The following LUZP2 variants were observed in gnomAD, a reference collection of about 807,000 sequenced individuals.
LUZP2 encodes leucine zipper protein 2.
A neutral mutation model predicts 51.6 loss-of-function variants in LUZP2; 52 were observed. The observed-to-expected ratio is 1.01, with a 90% confidence interval of 0.81 to 1.27. LUZP2 has a LOEUF of 1.27. Ranked by LOEUF, LUZP2 falls within the 50% of genes most tolerant of loss-of-function variation. LUZP2 has a pLI of 0.00. For missense variants in LUZP2, 436 were observed against 395.4 expected (o/e 1.10, Z -0.87); for synonymous variants, 154 against 137.3 (o/e 1.12, Z -0.85).
intron 1 of LUZP2, among the ~76,000 whole-genome samples, chr11:24,653,466 T>C (rs557938101): frequency 6.6e-6 from 1 of 152,278 alleles, no homozygotes; most frequent in South Asian, 2.1e-4. Context: ...GAATGTTTTG[T>C]ATGTCTATAG....
intron 5 of LUZP2, among the ~76,000 whole-genome samples, chr11:24,840,365 G>A (rs1459038303): frequency 6.6e-6 from 1 of 151,786 alleles, no homozygotes; most frequent in African/African-American, 2.4e-5. Flanking sequence ...GTACCAGATG[G>A]TTTTTTGACA....
intron 5 of LUZP2, chr11:24,785,890 C>T: frequency 1.0e-6 from 1 of 985,248 alleles, no homozygotes. Flanking sequence ...ATACTTTGTT[C>T]CAAATTGGCA....
At chr11:24,953,735 CG>C (rs1380045918) in intron 7 of LUZP2, among the ~76,000 whole-genome samples, 1 of 152,000 alleles carries the variant, frequency 6.6e-6, no homozygotes, top group African/African-American at 2.4e-5. Context: ...GTGGCACCTA[CG>C]TCAAACTCAT....
intron 5 of LUZP2, among the ~76,000 whole-genome samples, chr11:24,870,494 C>G (rs1016735586): frequency 1.4e-3 from 210 of 149,936 alleles, no homozygotes; most frequent in African/African-American, 4.9e-3. Context: ...CACACAGACA[C>G]ACACACACAC....
chr11:24,653,308 C>T (rs560344881), intron 1 of LUZP2, among the ~76,000 whole-genome samples: 1 of 152,080 alleles, frequency 6.6e-6, no homozygotes, highest in South Asian at 2.1e-4. Flanking sequence ...GGGAGTGAGA[C>T]AGATAAGTCA....
chr11:25,067,094 A>T (rs1859018312), intron 10 of LUZP2, among the ~76,000 whole-genome samples: 1 of 151,958 alleles, frequency 6.6e-6, no homozygotes, highest in Admixed American at 6.6e-5. Context: ...TAATAAAATT[A>T]TATTTTTGGG....
chr11:25,016,470 C>A (rs1211515323), intron 9 of LUZP2, among the ~76,000 whole-genome samples: 1 of 151,890 alleles, frequency 6.6e-6, no homozygotes. Flanking sequence ...CAAGTTGCTG[C>A]AAAATATATT....
At chr11:24,609,104 C>T (rs1565026456) in intron 1 of LUZP2, among the ~76,000 whole-genome samples, 1 of 152,048 alleles carries the variant, frequency 6.6e-6, no homozygotes, top group Non-Finnish European at 1.5e-5. Context: ...GGAAACTATC[C>T]CATTTGTGAT....
chr11:24,906,835 T>C (rs960356412), intron 6 of LUZP2, among the ~76,000 whole-genome samples: 19 of 152,110 alleles, frequency 1.2e-4, no homozygotes, highest in African/African-American at 4.6e-4. Flanking sequence ...CATGAGTGGC[T>C]TCATATCATG....
chr11:24,812,719 T>C (rs1053312703), intron 5 of LUZP2, among the ~76,000 whole-genome samples: 3 of 152,168 alleles, frequency 2.0e-5, no homozygotes, highest in Non-Finnish European at 2.9e-5. Context: ...GTGTTTTTTG[T>C]TTGTTTGTTT....
At chr11:24,828,947 G>T (rs370215504) in intron 5 of LUZP2, among the ~76,000 whole-genome samples, 1 of 152,158 alleles carries the variant, frequency 6.6e-6, no homozygotes, top group Non-Finnish European at 1.5e-5. Context: ...GTAACCCTGG[G>T]TTCCAGCTTA....
At chr11:24,828,708 T>C (rs939621482) in intron 5 of LUZP2, among the ~76,000 whole-genome samples, 2 of 152,180 alleles carry the variant, frequency 1.3e-5, no homozygotes, top group Non-Finnish European at 2.9e-5. Context: ...CCCAGTCTTA[T>C]GTTCTGTAAG....
intron 4 of LUZP2, among the ~76,000 whole-genome samples, chr11:24,754,955 G>A (rs943147232): frequency 1.3e-5 from 2 of 152,072 alleles, no homozygotes; most frequent in Non-Finnish European, 2.9e-5. Flanking sequence ...AGACCAGCCC[G>A]ACCAACATGG....
At chr11:24,871,529 G>T (rs1041279574) in intron 5 of LUZP2, among the ~76,000 whole-genome samples, 1 of 152,018 alleles carries the variant, frequency 6.6e-6, no homozygotes, top group Non-Finnish European at 1.5e-5. Context: ...TGTGAAAAAG[G>T]CTTTTCCAGG....
chr11:25,022,371 A>G (rs898826609), intron 9 of LUZP2, among the ~76,000 whole-genome samples: 7 of 152,056 alleles, frequency 4.6e-5, no homozygotes, highest in African/African-American at 1.7e-4. Flanking sequence ...TGCTTACCCA[A>G]TAAGTAGTTT....
At chr11:24,997,564 T>G (rs567482885) in intron 9 of LUZP2, among the ~76,000 whole-genome samples, 3 of 152,188 alleles carry the variant, frequency 2.0e-5, no homozygotes, top group Non-Finnish European at 2.9e-5. Flanking sequence ...TCCCATTTTG[T>G]AGGTTGCCTG....
At chr11:25,026,077 G>A (rs1391767046) in intron 9 of LUZP2, among the ~76,000 whole-genome samples, 2 of 149,582 alleles carry the variant, frequency 1.3e-5, no homozygotes, top group African/African-American at 2.5e-5. Flanking sequence ...TCACTCATAG[G>A]TGGGAATTGA....
intron 9 of LUZP2, among the ~76,000 whole-genome samples, chr11:25,002,142 A>G (rs1327263447): frequency 1.3e-5 from 2 of 152,166 alleles, no homozygotes; most frequent in Admixed American, 6.5e-5. Context: ...CCCTTTCCCA[A>G]TTCTAAGTCT....
At chr11:24,949,330 A>C (rs113788536) in intron 7 of LUZP2, among the ~76,000 whole-genome samples, 515 of 34,302 alleles carry the variant, frequency 0.015, no homozygotes, top group South Asian at 0.088. Context: ...CTATCTATCT[A>C]TCTCTCTATC....
Sources: gnomAD v4.1 joint callset for allele counts (sites outside exome capture counted in the v4.1 genomes callset) on GRCh38, gnomAD v4.1.1 for gene constraint, MANE v1.5 for transcripts, NCBI Gene and HGNC (gene_info 2026-07-23, HGNC 2026-07-21) for gene names.